The following MAGI1 variants were observed in gnomAD, a reference collection of about 807,000 sequenced individuals.
MAGI1 encodes the protein membrane-associated guanylate kinase, WW and PDZ domain-containing protein 1.
MAGI1 carries 58 observed loss-of-function variants against 139.9 expected under a neutral mutation model. The observed-to-expected ratio is 0.41, with a 90% confidence interval of 0.34 to 0.52. The LOEUF is 0.52. Among genes scored for constraint, MAGI1 ranks in the 20% least tolerant of loss-of-function variants. The pLI is 0.12. For synonymous variants in MAGI1, 812 were observed against 737.9 expected (o/e 1.10, Z -1.63); for missense variants, 1,874 against 1,901.6 (o/e 0.99, Z 0.27).
At chr3:66,025,419 G>A (rs749557478) in intron 1 of MAGI1, among the ~76,000 whole-genome samples, 2 of 152,060 alleles carry the variant, frequency 1.3e-5, no homozygotes, top group Non-Finnish European at 2.9e-5. Context: ...ACCCACCTGT[G>A]GTCCCAGCTA....
chr3:65,701,822 G>A (rs1246265531), intron 1 of MAGI1, among the ~76,000 whole-genome samples: 1 of 152,108 alleles, frequency 6.6e-6, no homozygotes, highest in Non-Finnish European at 1.5e-5. Context: ...CAGCCAATAT[G>A]AGCAAAAGAA....
At chr3:65,405,101 T>C (rs957755331) in intron 12 of MAGI1, among the ~76,000 whole-genome samples, 2 of 152,144 alleles carry the variant, frequency 1.3e-5, no homozygotes, top group Non-Finnish European at 2.9e-5. Flanking sequence ...AGGCAGCAAA[T>C]ATTACTTCTA....
At chr3:65,852,502 ATT>A (rs1340104660) in intron 1 of MAGI1, among the ~76,000 whole-genome samples, 17 of 137,412 alleles carry the variant, frequency 1.2e-4, no homozygotes, top group Non-Finnish European at 1.3e-4. Flanking sequence ...CTTGACACCA[ATT>A]TTTTTTTTTT....
chr3:65,593,317 T>C (rs906152702), intron 2 of MAGI1, among the ~76,000 whole-genome samples: 2 of 152,202 alleles, frequency 1.3e-5, no homozygotes, highest in Non-Finnish European at 2.9e-5. Context: ...AATTTGTAGA[T>C]TCCCACTGAT....
At chr3:65,817,734 C>A (rs147404966) in intron 1 of MAGI1, among the ~76,000 whole-genome samples, 125 of 152,288 alleles carry the variant, frequency 8.2e-4, no homozygotes, top group African/African-American at 2.9e-3. Flanking sequence ...TCCTATTCTG[C>A]TCTATGTCAT....
intron 1 of MAGI1, among the ~76,000 whole-genome samples, chr3:66,024,743 T>G (rs918675151): frequency 6.6e-6 from 1 of 151,966 alleles, no homozygotes; most frequent in Non-Finnish European, 1.5e-5. Flanking sequence ...GAGGCGGAGG[T>G]TGCAGTGAGC....
At chr3:65,969,117 G>A (rs1380020079) in intron 1 of MAGI1, among the ~76,000 whole-genome samples, 2 of 152,210 alleles carry the variant, frequency 1.3e-5, no homozygotes, top group African/African-American at 4.8e-5. Flanking sequence ...GAACCCAAGG[G>A]AAGAATTGAG....
chr3:65,814,139 T>C lies in MAGI1; in HGVS notation c.314-192051A>G, dbSNP rs539120048. ...AGTATCTAGTAAGCTTCAGAGGAGA[T>C]CGGGTCTTTAGTAGCTGCTAAAGAT... On this transcript the variant is annotated intron_variant, in intron 1 of 22. Coordinates refer to ENST00000402939, the MANE Select transcript of MAGI1 (RefSeq NM_001033057.2). Among the ~76,000 whole-genome samples the C allele has an allele frequency of 5.9e-4, 90 of 152,154 alleles. 2 individuals carry two copies. Among genetic ancestry groups the C allele is most frequent in the Admixed American group, 5.8e-3 (89 of 15,286 alleles).
chr3:65,570,067 T>TATTATC (rs1333025588), intron 2 of MAGI1, among the ~76,000 whole-genome samples: 1 of 113,442 alleles, frequency 8.8e-6, no homozygotes, highest in East Asian at 2.7e-4. Flanking sequence ...TTTCTTTCTT[T>TATTATC]ATTATCATTA....
chr3:65,616,754 C>T (rs1294860834), intron 2 of MAGI1, among the ~76,000 whole-genome samples: 1 of 152,246 alleles, frequency 6.6e-6, no homozygotes, highest in Non-Finnish European at 1.5e-5. Context: ...GAGTTATGAC[C>T]GGAAGCATTC....
At chr3:65,851,928 T>G (rs1208142315) in intron 1 of MAGI1, among the ~76,000 whole-genome samples, 2 of 152,208 alleles carry the variant, frequency 1.3e-5, no homozygotes, top group Admixed American at 6.5e-5. Flanking sequence ...TGCATAGTTT[T>G]GATCTGCGAA....
At chr3:65,714,453 C>G (rs2031941311) in intron 1 of MAGI1, among the ~76,000 whole-genome samples, 1 of 152,062 alleles carries the variant, frequency 6.6e-6, no homozygotes, top group Non-Finnish European at 1.5e-5. Context: ...TGTACAATCT[C>G]CACCTGGGCC....
intron 1 of MAGI1, among the ~76,000 whole-genome samples, chr3:65,744,465 G>A (rs2035528240): frequency 6.6e-6 from 1 of 152,154 alleles, no homozygotes; most frequent in African/African-American, 2.4e-5. Context: ...ACAAGAATAG[G>A]CTGAGAAAGA....
At chr3:65,478,082 C>T (rs774475109) in intron 4 of MAGI1, among the ~76,000 whole-genome samples, 3 of 151,966 alleles carry the variant, frequency 2.0e-5, no homozygotes, top group Non-Finnish European at 2.9e-5. Context: ...AACAATTTTG[C>T]GTAAGTTAAC....
At chr3:65,536,872 G>A (rs187900627) in intron 2 of MAGI1, among the ~76,000 whole-genome samples, 139 of 152,302 alleles carry the variant, frequency 9.1e-4, no homozygotes, top group Non-Finnish European at 1.4e-3. Context: ...ATACAGCAGA[G>A]GGCAGAAGAC....
In MAGI1 at chr3:65,750,280, T is replaced by A. The variant is rs537805096; in HGVS notation, c.314-128192A>T. On this transcript the variant is annotated intron_variant, in intron 1 of 22. Transcript: ENST00000402939. The stretch of plus-strand genomic sequence containing the variant: ...AACCTAAAAGGAGTTACATATGTGA[T>A]GAGGAGGTTGGGAAAACGGGCTTTT... Among the ~76,000 whole-genome samples, 4 of 152,158 alleles carry A rather than the reference T, an allele frequency of 2.6e-5. No individual in the cohort carries two copies. In the South Asian group the frequency reaches 8.3e-4, roughly 32 times the overall value.
At chr3:65,482,310 A>G (rs1377237712) in intron 3 of MAGI1, among the ~76,000 whole-genome samples, 1 of 152,216 alleles carries the variant, frequency 6.6e-6, no homozygotes, top group African/African-American at 2.4e-5. Flanking sequence ...GTCTGCCACT[A>G]TGGTGAGGGT....
chr3:65,822,242 A>G (rs979362294), intron 1 of MAGI1, among the ~76,000 whole-genome samples: 24 of 152,346 alleles, frequency 1.6e-4, no homozygotes, highest in Non-Finnish European at 2.9e-4. Context: ...GACCAATTGT[A>G]TTAGACTGTA....
At chr3:65,708,996 A>T (rs965132808) in intron 1 of MAGI1, among the ~76,000 whole-genome samples, 5 of 152,202 alleles carry the variant, frequency 3.3e-5, no homozygotes, top group Non-Finnish European at 5.9e-5. Context: ...ATAAAGGTTA[A>T]CAGAGGTTTT....
Sources: allele counts gnomAD v4.1 joint callset (sites outside exome capture counted in the v4.1 genomes callset), GRCh38; gene constraint gnomAD v4.1.1; transcripts MANE v1.5; gene names NCBI Gene and HGNC (gene_info 2026-07-23, HGNC 2026-07-21).